Variants in POMK observed in about 807,000 individuals in gnomAD.
The protein encoded by POMK is Sugen kinase 196.
In POMK, 19 loss-of-function variants were observed where a neutral mutation model predicts 23.0. The observed-to-expected ratio is 0.83, with a 90% confidence interval of 0.58 to 1.21. The LOEUF is 1.21. POMK is among the 50% of genes most tolerant of loss of function. The probability of loss-of-function intolerance (pLI) is 0.00; values close to 1 mark genes in which losing one functional copy is unlikely to be tolerated. For missense variants in POMK, 410 were observed against 431.3 expected (o/e 0.95, Z 0.44); for synonymous variants, 173 against 171.6 (o/e 1.01, Z -0.06).
chr8:43,103,512 T>C lies in POMK; in HGVS notation c.-21-16T>C, dbSNP rs200467100. ...AAGCTGACTGTCATGACTTCTTGTT[T>C]CATTGTGTATTTTAGGAAATTGCAG... is the stretch of plus-strand genomic sequence containing the variant. On this transcript the variant is annotated splice_polypyrimidine_tract_variant and intron_variant, in intron 3 of 4. Transcript: ENST00000331373. The C allele has an allele frequency of 1.6e-5, 25 of 1,609,194 alleles. No homozygotes were observed. The African/African-American group carries it at 3.1e-4, about 20-fold the overall frequency.
At chr8:43,117,518 G>A (rs1464261090) in intron 4 of POMK, among the ~76,000 whole-genome samples, 1 of 152,104 alleles carries the variant, frequency 6.6e-6, no homozygotes, top group Non-Finnish European at 1.5e-5. Flanking sequence ...CTGTGTGTAA[G>A]TGGAACTGCG....
chr8:43,096,319 G>A (rs927185216), intron 1 of POMK, among the ~76,000 whole-genome samples: 1 of 152,176 alleles, frequency 6.6e-6, no homozygotes, highest in Non-Finnish European at 1.5e-5. Context: ...GCCGAGTGGG[G>A]GGCTGTTGAA....
intron 4 of POMK, among the ~76,000 whole-genome samples, chr8:43,110,868 C>T (rs1007424033): frequency 5.3e-5 from 8 of 151,770 alleles, no homozygotes; most frequent in Admixed American, 6.6e-5. Flanking sequence ...TGCAGTGAGC[C>T]GAGATCGCGC....
At chr8:43,102,795 G>A (rs1195990355) in intron 3 of POMK, among the ~76,000 whole-genome samples, 195 bp downstream of exon 3, 2 of 152,190 alleles carry the variant, frequency 1.3e-5, no homozygotes, top group African/African-American at 4.8e-5. Context: ...TCCGCAGCCA[G>A]GCCCCTCCAC....
intron 4 of POMK, among the ~76,000 whole-genome samples, chr8:43,111,524 T>C (rs115504900): frequency 0.021 from 3,143 of 152,260 alleles, 119 homozygotes; most frequent in African/African-American, 0.071. Flanking sequence ...AAGACAGTAA[T>C]AACCTCTGCG....
chr8:43,115,648 A>G (rs997715700), intron 4 of POMK, among the ~76,000 whole-genome samples: 5 of 152,118 alleles, frequency 3.3e-5, no homozygotes, highest in Admixed American at 6.6e-5. Context: ...CCAGCCTCCA[A>G]AAATGGTCTT....
At position 43,122,269 on chromosome 8, in the gene POMK, A is replaced by G; in HGVS notation, c.445A>G (p.Thr149Ala). 6.2e-7 allele frequency: 1 copy of G among 1,614,222 alleles called. No homozygotes were observed. Among genetic ancestry groups the G allele is most frequent in the Non-Finnish European group, 8.5e-7 (1 of 1,180,032 alleles). ...GYCEDDNTML[T>A]EYHPLGSLSN... ...TTGTGAGGATGACAACACTATGCTT[A>G]CTGAATATCACCCTCTAGGTTCCTT... Residue 149 changes from threonine to alanine, a missense_variant, in exon 5 of 5, where the codon ACT (threonine) becomes GCT (alanine). Transcript: ENST00000331373.
At chr8:43,103,496 G>C in intron 3 of POMK, 32 bp from the exon 4 acceptor site, 1 of 1,600,840 alleles carries the variant, frequency 6.2e-7, no homozygotes, top group Non-Finnish European at 8.5e-7. Flanking sequence ...AAAGCTGACT[G>C]TCATGACTTC....
At chr8:43,103,912 C>T (rs897842541) in intron 4 of POMK, 82 bp downstream of exon 4, 106 of 1,368,568 alleles carry the variant, frequency 7.7e-5, no homozygotes, top group African/African-American at 1.3e-4. Context: ...CATGCTGGCA[C>T]GGATTACGGA....
intron 4 of POMK, among the ~76,000 whole-genome samples, chr8:43,111,740 G>A (rs923923479): frequency 1.3e-5 from 2 of 152,118 alleles, no homozygotes; most frequent in African/African-American, 4.8e-5. Context: ...AGGAACGATC[G>A]GGCAGCAGCA....
At chr8:43,100,523 G>A (rs1811417556) in intron 2 of POMK, among the ~76,000 whole-genome samples, 2 of 151,854 alleles carry the variant, frequency 1.3e-5, no homozygotes, top group Admixed American at 6.6e-5. Flanking sequence ...GTGTGTGTCT[G>A]TGGGGGCCTG....
At chr8:43,114,338 C>T (rs1000159109) in intron 4 of POMK, among the ~76,000 whole-genome samples, 63 of 152,234 alleles carry the variant, frequency 4.1e-4, no homozygotes, top group Non-Finnish European at 5.3e-4. Flanking sequence ...CCCAGGCTCG[C>T]TGCGGCCTTG....
intron 4 of POMK, among the ~76,000 whole-genome samples, chr8:43,105,299 T>G (rs147230726): frequency 6.6e-6 from 1 of 152,346 alleles, no homozygotes; most frequent in East Asian, 1.9e-4. Context: ...CTAGCTGTAA[T>G]TTTGTATCCT....
At chr8:43,114,199 C>T (rs181257227) in intron 4 of POMK, among the ~76,000 whole-genome samples, 1 of 152,348 alleles carries the variant, frequency 6.6e-6, no homozygotes, top group South Asian at 2.1e-4. Context: ...TTTCTCTGTG[C>T]CCTGTCCCCA....
chr8:43,116,834 C>A (rs1811808535), intron 4 of POMK, among the ~76,000 whole-genome samples: 1 of 152,200 alleles, frequency 6.6e-6, no homozygotes, highest in African/African-American at 2.4e-5. Context: ...GACCACCAAA[C>A]AGGCTTTGTG....
At chr8:43,111,863 G>C (rs556662601) in intron 4 of POMK, among the ~76,000 whole-genome samples, 1 of 152,322 alleles carries the variant, frequency 6.6e-6, no homozygotes, top group Admixed American at 6.5e-5. Flanking sequence ...TGAGGGTCCT[G>C]ACTGTTAGAA....
chr8:43,095,991 TG>T (rs1225103373), intron 1 of POMK, among the ~76,000 whole-genome samples: 3 of 151,678 alleles, frequency 2.0e-5, no homozygotes, highest in Non-Finnish European at 4.4e-5. Context: ...GCGGATTCCG[TG>T]GAGCGAACAC....
chr8:43,122,016 G>A, intron 4 of POMK, 91 bp from the exon 5 acceptor site: 1 of 1,274,214 alleles, frequency 7.8e-7, no homozygotes, highest in Non-Finnish European at 1.1e-6. Flanking sequence ...ATCTTCTGCA[G>A]AACACCTGCC....
chr8:43,093,774 G>A (rs917491994), intron 1 of POMK, among the ~76,000 whole-genome samples: 1 of 152,258 alleles, frequency 6.6e-6, no homozygotes, highest in African/African-American at 2.4e-5. Context: ...ACCCCTGCGC[G>A]GTAGCGGGAC....
Sources: allele counts gnomAD v4.1 joint callset (sites outside exome capture counted in the v4.1 genomes callset), GRCh38; gene constraint gnomAD v4.1.1; transcripts MANE v1.5; gene names NCBI Gene and HGNC (gene_info 2026-07-23, HGNC 2026-07-21).